PIBF1: variants seen among roughly 807,000 people sequenced by gnomAD.
PIBF1 encodes progesterone-induced-blocking factor 1.
Under a neutral mutation model 112.5 loss-of-function variants are expected in PIBF1, and 90 were observed. That is an observed-to-expected ratio of 0.80 (90% CI 0.67 to 0.95). The LOEUF is 0.95. Among genes scored for constraint, PIBF1 ranks in the 40% least tolerant of loss-of-function variants. The probability of loss-of-function intolerance (pLI) is 0.00; values close to 1 mark genes in which losing one functional copy is unlikely to be tolerated. For synonymous variants in PIBF1, 301 were observed against 288.6 expected (o/e 1.04, Z -0.44); for missense variants, 915 against 852.3 (o/e 1.07, Z -0.92).
At chr13:72,783,349 C>G (rs2034401729) in intron 1 of PIBF1, 74 bp from the exon 2 acceptor site, 2 of 681,136 alleles carry the variant, frequency 2.9e-6, no homozygotes, top group Non-Finnish European at 4.9e-6. Flanking sequence ...AATCCTTAGT[C>G]TCTCTTTAAT....
chr13:72,949,300 C>CT (rs71099771), intron 14 of PIBF1, among the ~76,000 whole-genome samples: 2,376 of 54,968 alleles, frequency 0.043, 652 homozygotes, highest in East Asian at 0.059. Context: ...AAATAGCTGT[C>CT]TTTTTTTTTT....
At chr13:72,814,798 G>T (rs1161701112) in intron 5 of PIBF1, among the ~76,000 whole-genome samples, 2 of 152,106 alleles carry the variant, frequency 1.3e-5, no homozygotes, top group African/African-American at 4.8e-5. Context: ...GGAAAAAGAT[G>T]AGTAGAAATA....
chr13:72,910,568 G>A (rs2040860860), intron 12 of PIBF1, among the ~76,000 whole-genome samples: 1 of 152,164 alleles, frequency 6.6e-6, no homozygotes, highest in Admixed American at 6.5e-5. Context: ...TTTCCCCATT[G>A]AGGGGGAGAG....
Position 72,832,071 on chromosome 13 carries a change from C to CTTTTTTTTTTTTTTTTTTTTTTTT in PIBF1, c.1098-3172_1098-3171insTTTTTTTTTTTTTTTTTTTTTTTT, listed in dbSNP as rs1491281184. On this transcript the variant is annotated intron_variant, in intron 8 of 17. Coordinates refer to ENST00000326291, the MANE Select transcript of PIBF1 (RefSeq NM_006346.4). ...TCAGAGATTAGAATTGCAATTCCGG[C>CTTTTTTTTTTTTTTTTTTTTTTTT]CTTTTTTTTTTTTTTTTTTTTTTTT... is the stretch of plus-strand genomic sequence containing the variant. Among the ~76,000 whole-genome samples the CTTTTTTTTTTTTTTTTTTTTTTTT allele has an allele frequency of 8.4e-5, 5 of 59,492 alleles. 2 individuals carry two copies. The highest frequency in any genetic ancestry group is 5.6e-5 in the African/African-American group (1 of 17,818). The allele number at this position is 59,492 out of a possible 152,430, so 39.0% of individuals were successfully genotyped here.
intron 14 of PIBF1, among the ~76,000 whole-genome samples, chr13:72,943,778 T>C: frequency 6.6e-6 from 1 of 152,238 alleles, no homozygotes; most frequent in East Asian, 1.9e-4. Flanking sequence ...CCCAGGGTTC[T>C]ACCTTGTTTG....
rs1566402635 is a variant in PIBF1, at chr13:72,883,941, C to CAT, written c.1323-9842_1323-9841insTA. 5.3e-5 allele frequency among the ~76,000 whole-genome samples: 8 copies of CAT among 152,032 alleles called. No homozygotes were observed. In the East Asian group the frequency reaches 1.4e-3, roughly 26 times the overall value. On this transcript the variant is annotated intron_variant, in intron 10 of 17. Coordinates refer to ENST00000326291, the MANE Select transcript of PIBF1 (RefSeq NM_006346.4). The stretch of plus-strand genomic sequence containing the variant: ...TTAAATATACAGATATATACGTACA[C>CAT]ACATACATACATACATGCATAAAAT...
chr13:72,989,275 G>A (rs2043397919), intron 16 of PIBF1, among the ~76,000 whole-genome samples: 2 of 152,150 alleles, frequency 1.3e-5, no homozygotes, highest in South Asian at 2.1e-4. Flanking sequence ...GTTTCAAAAT[G>A]TGTCAGTGTT....
At chr13:72,818,838 T>C (rs1453151106) in intron 5 of PIBF1, among the ~76,000 whole-genome samples, 1 of 152,070 alleles carries the variant, frequency 6.6e-6, no homozygotes, top group Non-Finnish European at 1.5e-5. Flanking sequence ...TTTATTGTTA[T>C]CAGCCTCAAA....
rs73218766 is a variant in PIBF1 at position 72,893,283 on chromosome 13, G to A, written c.1323-501G>A. On this transcript the variant is annotated intron_variant, in intron 10 of 17. Coordinates refer to ENST00000326291, the MANE Select transcript of PIBF1 (RefSeq NM_006346.4). ...AGGTCTATATTTATCTTCACAGTTT[G>A]TACATTTTTTTCTTGTAATATCAAA... Among the ~76,000 whole-genome samples the A allele has an allele frequency of 4.8e-3, 733 of 152,116 alleles. 1 individual carries two copies. Among genetic ancestry groups the A allele is most frequent in the Non-Finnish European group, 7.2e-3 (491 of 67,966 alleles).
rs1041100310 is a variant in PIBF1 at position 72,813,423 on chromosome 13, C to T, written c.673-8426C>T. 3.3e-5 allele frequency among the ~76,000 whole-genome samples: 5 copies of T among 152,106 alleles called. No individual in the cohort carries two copies. In the South Asian group the frequency reaches 8.3e-4, roughly 25 times the overall value. ...ACGTATTGCTGCATAACAAATCACC[C>T]TAAAACTTGCTGTCTCACAATAATT... On this transcript the variant is annotated intron_variant, in intron 5 of 17. Coordinates refer to ENST00000326291, the MANE Select transcript of PIBF1 (RefSeq NM_006346.4).
chr13:72,973,823 A>C, intron 16 of PIBF1, 148 bp downstream of exon 16: 1 of 550,780 alleles, frequency 1.8e-6, no homozygotes, highest in Non-Finnish European at 3.2e-6. Context: ...TTTTTATTCA[A>C]CTTTTGATAT....
intron 13 of PIBF1, among the ~76,000 whole-genome samples, chr13:72,930,883 T>C (rs2041676285): frequency 6.6e-6 from 1 of 152,222 alleles, no homozygotes; most frequent in South Asian, 2.1e-4. Context: ...GCAAGTGTTA[T>C]AATGTTACCT....
intron 14 of PIBF1, 99 bp downstream of exon 14, chr13:72,931,366 G>T: frequency 1.2e-6 from 1 of 808,178 alleles, no homozygotes; most frequent in Non-Finnish European, 2.0e-6. Flanking sequence ...TAAGCTGTTT[G>T]CTAGTACAAA....
intron 5 of PIBF1, among the ~76,000 whole-genome samples, chr13:72,801,617 T>TA (rs2035478244): frequency 6.6e-6 from 1 of 152,048 alleles, no homozygotes; most frequent in African/African-American, 2.4e-5. Flanking sequence ...AATAATTTCT[T>TA]AGCCTCCTCC....
At chr13:72,819,662 A>G (rs866836957) in intron 5 of PIBF1, among the ~76,000 whole-genome samples, 4 of 152,108 alleles carry the variant, frequency 2.6e-5, no homozygotes, top group Non-Finnish European at 5.9e-5. Flanking sequence ...AGATCCCATC[A>G]TAAGTGTTAA....
chr13:72,943,439 CAA>C (rs1351520038), intron 14 of PIBF1, among the ~76,000 whole-genome samples: 1 of 152,144 alleles, frequency 6.6e-6, no homozygotes, highest in Non-Finnish European at 1.5e-5. Context: ...ATGCATGTAT[CAA>C]AATATCACAT....
At chr13:72,836,197 G>C (rs1265766978) in intron 9 of PIBF1, 1 of 412,778 alleles carries the variant, frequency 2.4e-6, no homozygotes, top group Non-Finnish European at 4.8e-6. Flanking sequence ...GCAGAATTCA[G>C]GGAAAATAAA....
chr13:72,894,778 T>TGTGTGTG (rs1555308474), intron 11 of PIBF1, among the ~76,000 whole-genome samples: 1 of 143,686 alleles, frequency 7.0e-6, no homozygotes, highest in Non-Finnish European at 1.5e-5. Context: ...ATATAGTGTG[T>TGTGTGTG]GTGTGTGTGT....
In PIBF1 at chr13:72,939,864, C is replaced by T. The variant is rs563922150; in HGVS notation, c.1833+8597C>T. Among the ~76,000 whole-genome samples, 9 of 152,202 alleles carry T rather than the reference C, an allele frequency of 5.9e-5. No individual in the cohort carries two copies. The East Asian group carries it at 1.7e-3, about 29-fold the overall frequency. On this transcript the variant is annotated intron_variant, in intron 14 of 17. Coordinates refer to ENST00000326291, the MANE Select transcript of PIBF1 (RefSeq NM_006346.4). ...CTTTTTCAGTAGTTGAAAGATACTG[C>T]TTCACTCCCTTCTAGTTTGCATCGT...
Sources: gnomAD v4.1 joint callset for allele counts (sites outside exome capture counted in the v4.1 genomes callset) on GRCh38, gnomAD v4.1.1 for gene constraint, MANE v1.5 for transcripts, NCBI Gene and HGNC (gene_info 2026-07-23, HGNC 2026-07-21) for gene names.